DNAJB14: variants seen among roughly 807,000 people sequenced by gnomAD.
The protein encoded by DNAJB14 is dnaJ homolog subfamily B member 14.
In DNAJB14, 22 loss-of-function variants were observed where a neutral mutation model predicts 48.4. The observed-to-expected ratio is 0.45, with a 90% CI of 0.32 to 0.65. The LOEUF (loss-of-function observed/expected upper bound fraction) is 0.65, where lower values mean the gene tolerates loss of function less well. Ranked by LOEUF, DNAJB14 falls within the 30% of genes least tolerant of loss-of-function variation. The pLI is 0.03. For synonymous variants in DNAJB14, 142 were observed against 158.7 expected (o/e 0.89, Z 0.79); for missense variants, 319 against 458.8 (o/e 0.70, Z 2.78).
intron 1 of DNAJB14, 126 bp downstream of exon 1, chr4:99,946,313 G>A: frequency 7.0e-7 from 1 of 1,433,772 alleles, no homozygotes; most frequent in South Asian, 1.2e-5. Flanking sequence ...CCGGGCCTGG[G>A]GCTGGGGCTG....
intron 2 of DNAJB14, chr4:99,925,354 A>G (rs1726213319): frequency 6.6e-6 from 1 of 152,308 alleles, no homozygotes; most frequent in African/African-American, 2.4e-5. Flanking sequence ...ATAGATGTGG[A>G]GAGCCGACTA....
intron 7 of DNAJB14, among the ~76,000 whole-genome samples, chr4:99,901,685 C>G (rs1311873492): frequency 6.6e-6 from 1 of 152,080 alleles, no homozygotes; most frequent in Non-Finnish European, 1.5e-5. Flanking sequence ...TGCTATTCAG[C>G]AAATAAGTAC....
intron 3 of DNAJB14, among the ~76,000 whole-genome samples, chr4:99,912,496 T>A (rs78112664): frequency 6.6e-6 from 1 of 152,054 alleles, no homozygotes; most frequent in Admixed American, 6.5e-5. Context: ...TTTTTTTTTT[T>A]AAGACAGAGT....
At chr4:99,906,445 C>T in intron 5 of DNAJB14, 72 bp downstream of exon 5, 1 of 1,442,198 alleles carries the variant, frequency 6.9e-7, no homozygotes, top group Admixed American at 1.8e-5. Context: ...TACTTGCCCT[C>T]TTTTCAGACA....
intron 6 of DNAJB14, among the ~76,000 whole-genome samples, chr4:99,904,286 C>T (rs1463236033): frequency 6.6e-6 from 1 of 152,078 alleles, no homozygotes; most frequent in African/African-American, 2.4e-5. Context: ...CTGTTAAATA[C>T]TTATATGTGA....
At chr4:99,929,127 C>T in intron 2 of DNAJB14, 1 of 153,458 alleles carries the variant, frequency 6.5e-6, no homozygotes, top group East Asian at 1.9e-4. Flanking sequence ...GTGTCTTGCT[C>T]TGTCGCCCAG....
chr4:99,930,089 T>C (rs958830146), intron 2 of DNAJB14: 2 of 158,486 alleles, frequency 1.3e-5, no homozygotes, highest in African/African-American at 4.8e-5. Flanking sequence ...GCTATTACAC[T>C]CAATATTCCT....
chr4:99,938,095 T>TATAAAAAAAAAAAAAAAAAAA (rs1726746783), intron 1 of DNAJB14, among the ~76,000 whole-genome samples: 1 of 4,072 alleles, frequency 2.5e-4, no homozygotes, highest in African/African-American at 1.1e-3. Context: ...ATGTTAAAAA[T>TATAAAAAAAAAAAAAAAAAAA]ACAAAAAAAA....
chr4:99,928,330 A>T (rs949582466), intron 2 of DNAJB14: 7 of 156,194 alleles, frequency 4.5e-5, no homozygotes, highest in African/African-American at 9.6e-5. Flanking sequence ...AAAACAGAAA[A>T]ATTCCTTCCA....
chr4:99,936,326 G>A (rs978288249), intron 1 of DNAJB14, among the ~76,000 whole-genome samples: 4 of 152,130 alleles, frequency 2.6e-5, no homozygotes, highest in Admixed American at 1.3e-4. Context: ...TGAATCCTGT[G>A]GCATTTTACT....
chr4:99,911,333 A>C (rs1725653227), intron 3 of DNAJB14, among the ~76,000 whole-genome samples: 1 of 152,152 alleles, frequency 6.6e-6, no homozygotes, highest in Non-Finnish European at 1.5e-5. Context: ...TTTGGCTATT[A>C]CAAATAAAAT....
In DNAJB14 at chr4:99,901,024, C is replaced by T; in HGVS notation, c.*4G>A. On this transcript the variant is annotated 3_prime_UTR_variant, in exon 8 of 8. Transcript: ENST00000442697. ...CGCTAAAAGGTATAAATAAAAATTC[C>T]AGTTCATCCTCCTTTATAAAGACTG... 1 of 1,599,524 alleles carries T rather than the reference C, an allele frequency of 6.3e-7. No individual in the cohort carries two copies. The highest frequency in any genetic ancestry group is 1.1e-5 in the South Asian group (1 of 88,704).
At chr4:99,931,699 G>A (rs915565070) in intron 1 of DNAJB14, among the ~76,000 whole-genome samples, 6 of 151,576 alleles carry the variant, frequency 4.0e-5, no homozygotes, top group African/African-American at 1.5e-4. Context: ...CTAGACCATA[G>A]AGTGGTCCTT....
Position 99,938,097 on chromosome 4 carries a change from C to CAAAAAAAAAAAAAAA in DNAJB14, c.134-7491_134-7477dup, listed in dbSNP as rs59597113. 8.8e-4 allele frequency among the ~76,000 whole-genome samples: 36 copies of CAAAAAAAAAAAAAAA among 40,978 alleles called. 5 individuals carry two copies. Among genetic ancestry groups the CAAAAAAAAAAAAAAA allele is most frequent in the African/African-American group, 1.1e-3 (14 of 12,712 alleles). The allele number at this position is 40,978 out of a possible 152,430, so 26.9% of individuals were successfully genotyped here. Reference sequence around the variant, plus strand: ...ACATGGCGAAACCATGTTAAAAATACAAAAAAAAAAAAAAAAAAAAAAAAA... The same window carrying CAAAAAAAAAAAAAAA: ...ACATGGCGAAACCATGTTAAAAATACAAAAAAAAAAAAAAAAAAAAAAAAAAAAAAAAAAAAAAAA... On this transcript the variant is annotated intron_variant, in intron 1 of 7. Transcript: ENST00000442697.
intron 3 of DNAJB14, 155 bp downstream of exon 3, chr4:99,922,885 A>T: frequency 1.3e-6 from 1 of 787,854 alleles, no homozygotes; most frequent in South Asian, 2.5e-5. Flanking sequence ...TTCGGGTATA[A>T]CCAGTTAATA....
chr4:99,944,582 TTGTTTTTTTGAGATGGAGTCTCGCTG>T (rs1268672716), intron 1 of DNAJB14, among the ~76,000 whole-genome samples: 6 of 151,834 alleles, frequency 4.0e-5, no homozygotes, highest in African/African-American at 1.2e-4. Context: ...CTTTTTTTTT[TTGTTTTTTTGAGATGGAGTCTCGCTG>T]TGTCGCCCAG....
chr4:99,905,955 T>C (rs1725449439), intron 5 of DNAJB14: 1 of 1,306,336 alleles, frequency 7.7e-7, no homozygotes, highest in African/African-American at 1.5e-5. Flanking sequence ...TCTTCATTTC[T>C]TTCTCTTTCT....
chr4:99,918,449 G>GA (rs1460238856), intron 3 of DNAJB14, among the ~76,000 whole-genome samples: 3 of 152,184 alleles, frequency 2.0e-5, no homozygotes, highest in Admixed American at 2.0e-4. Flanking sequence ...TTCTTAGACT[G>GA]ACAAGTAATT....
At chr4:99,922,929 T>C (rs1726113506) in intron 3 of DNAJB14, 111 bp downstream of exon 3, 1 of 1,191,042 alleles carries the variant, frequency 8.4e-7, no homozygotes, top group East Asian at 2.6e-5. Flanking sequence ...GACTCTTGCT[T>C]GTGCTGGTCT....
Sources: gnomAD v4.1 joint callset for allele counts (sites outside exome capture counted in the v4.1 genomes callset) on GRCh38, gnomAD v4.1.1 for gene constraint, MANE v1.5 for transcripts, NCBI Gene and HGNC (gene_info 2026-07-23, HGNC 2026-07-21) for gene names.